The following TMEM163 variants were observed in gnomAD, a reference collection of about 807,000 sequenced individuals.
The protein encoded by TMEM163 is transmembrane protein 163.
A neutral mutation model predicts 29.3 loss-of-function variants in TMEM163; 17 were observed. The observed-to-expected ratio is 0.58, with a 90% CI of 0.40 to 0.87. The LOEUF (loss-of-function observed/expected upper bound fraction) is 0.87, where lower values mean the gene tolerates loss of function less well. Among genes scored for constraint, TMEM163 ranks in the 40% least tolerant of loss-of-function variants. TMEM163 has a pLI of 0.00. For synonymous variants in TMEM163, 157 were observed against 160.6 expected (o/e 0.98, Z 0.17); for missense variants, 303 against 381.5 (o/e 0.79, Z 1.71).
intron 4 of TMEM163, among the ~76,000 whole-genome samples, chr2:134,526,665 T>C (rs1482356764): frequency 6.6e-6 from 1 of 152,186 alleles, no homozygotes; most frequent in African/African-American, 2.4e-5. Flanking sequence ...TCCAACTAGA[T>C]TAGCTACTTC....
At chr2:134,510,707 G>A (rs891607631) in intron 4 of TMEM163, among the ~76,000 whole-genome samples, 3 of 152,178 alleles carry the variant, frequency 2.0e-5, no homozygotes, top group African/African-American at 7.2e-5. Flanking sequence ...AGCAGGAAGT[G>A]AGGAGCCGGT....
chr2:134,717,919 C>T (rs1252088441), intron 1 of TMEM163, among the ~76,000 whole-genome samples: 1 of 152,188 alleles, frequency 6.6e-6, no homozygotes, highest in African/African-American at 2.4e-5. Flanking sequence ...CCTACACTGG[C>T]GACTCAAGGG....
intron 4 of TMEM163, among the ~76,000 whole-genome samples, chr2:134,539,405 A>C (rs1680613471): frequency 1.3e-5 from 2 of 152,282 alleles, no homozygotes; most frequent in South Asian, 4.1e-4. Flanking sequence ...AGGTAAACGC[A>C]CCCAGCGGTG....
intron 2 of TMEM163, among the ~76,000 whole-genome samples, chr2:134,592,394 A>G (rs181362522): frequency 2.1e-3 from 313 of 152,326 alleles, no homozygotes; most frequent in Non-Finnish European, 3.7e-3. Context: ...CCATTTCAAA[A>G]TATGTCAAGG....
intron 2 of TMEM163, among the ~76,000 whole-genome samples, chr2:134,712,786 C>T (rs1268458461): frequency 6.6e-6 from 1 of 152,162 alleles, no homozygotes; most frequent in African/African-American, 2.4e-5. Flanking sequence ...AAGCCTTACA[C>T]AGATATGATC....
At chr2:134,505,747 C>T (rs374899138) in intron 4 of TMEM163, among the ~76,000 whole-genome samples, 3 of 152,324 alleles carry the variant, frequency 2.0e-5, no homozygotes, top group South Asian at 2.1e-4. Flanking sequence ...ACTGCAGCCA[C>T]GCCTCCATCA....
At chr2:134,643,669 A>G (rs1683268228) in intron 2 of TMEM163, among the ~76,000 whole-genome samples, 1 of 152,150 alleles carries the variant, frequency 6.6e-6, no homozygotes, top group East Asian at 1.9e-4. Flanking sequence ...CATGTTAAAA[A>G]AAAAACAACT....
intron 5 of TMEM163, among the ~76,000 whole-genome samples, chr2:134,478,511 C>T (rs1686970582): frequency 6.6e-6 from 1 of 152,208 alleles, no homozygotes; most frequent in Non-Finnish European, 1.5e-5. Context: ...GAGAACTTAG[C>T]TGCTTTGTGT....
In TMEM163 at chr2:134,465,364, C is replaced by CACCCACCA. The variant is rs544767479; in HGVS notation, c.667+742_667+749dup. 7.9e-5 allele frequency among the ~76,000 whole-genome samples: 12 copies of CACCCACCA among 152,242 alleles called. No individual in the cohort carries two copies. The East Asian group carries it at 2.1e-3, about 27-fold the overall frequency. On this transcript the variant is annotated intron_variant, in intron 6 of 7. Coordinates refer to ENST00000281924, the MANE Select transcript of TMEM163 (RefSeq NM_030923.5). Reference sequence around the variant, plus strand: ...ATTTCTGCTCTATTTTGTGCAGATGCACCCACCAACCCACCAACCCACAAG... The same window carrying CACCCACCA: ...ATTTCTGCTCTATTTTGTGCAGATGCACCCACCAACCCACCAACCCACCAACCCACAAG...
In TMEM163 at chr2:134,671,164, A is replaced by G. The variant is rs535384330; in HGVS notation, c.322+42036T>C. ...TGGCCCTCAGCAAAGACTAAGAGCA[A>G]ATAAGGCAAAGACTGGCACCTGGCC... is the stretch of plus-strand genomic sequence containing the variant. On this transcript the variant is annotated intron_variant, in intron 2 of 7. Coordinates refer to ENST00000281924, the MANE Select transcript of TMEM163 (RefSeq NM_030923.5). 1.1e-4 allele frequency among the ~76,000 whole-genome samples: 16 copies of G among 152,266 alleles called. No individual in the cohort carries two copies. In the East Asian group the frequency reaches 1.7e-3, roughly 17 times the overall value.
chr2:134,458,298 C>G (rs546086544), intron 6 of TMEM163, 125 bp from the exon 7 acceptor site: 10 of 1,159,192 alleles, frequency 8.6e-6, no homozygotes, highest in Non-Finnish European at 1.2e-5. Context: ...AAAGCTCTCA[C>G]GAGTGATAGC....
rs375368361 is a variant in TMEM163 at position 134,543,069 on chromosome 2, G to A, written c.458+7501C>T. On this transcript the variant is annotated intron_variant, in intron 4 of 7. Transcript: ENST00000281924. Reference sequence around the variant, plus strand: ...TTTCCAAATAAGGTCACATTCTTCCGTACTGGGGGACAAGGACTTCAACAT... The same window carrying A: ...TTTCCAAATAAGGTCACATTCTTCCATACTGGGGGACAAGGACTTCAACAT... Among the ~76,000 whole-genome samples the A allele has an allele frequency of 1.3e-3, 204 of 152,260 alleles. 4 individuals carry two copies. In the South Asian group the frequency reaches 0.032, roughly 24 times the overall value.
At chr2:134,667,685 A>C (rs1187271574) in intron 2 of TMEM163, among the ~76,000 whole-genome samples, 1 of 152,248 alleles carries the variant, frequency 6.6e-6, no homozygotes, top group African/African-American at 2.4e-5. Flanking sequence ...CATCTGCAAA[A>C]GAAAAGCTTA....
intron 6 of TMEM163, 89 bp downstream of exon 6, chr2:134,466,025 G>A (rs1228486995): frequency 1.2e-5 from 11 of 922,818 alleles, no homozygotes; most frequent in Non-Finnish European, 1.7e-5. Context: ...GAGTTCTCCA[G>A]CAAGGGAAAC....
chr2:134,663,063 G>A lies in TMEM163; in HGVS notation c.322+50137C>T, dbSNP rs1230414223. On this transcript the variant is annotated intron_variant, in intron 2 of 7. Transcript: ENST00000281924. ...GTCTGCAGGACTGTTAGGTCTCTTT[G>A]TGTGATCAACCCTCTATCATAGGCA... is the stretch of plus-strand genomic sequence containing the variant. Among the ~76,000 whole-genome samples, 14 of 152,302 alleles carry A rather than the reference G, an allele frequency of 9.2e-5. No individual in the cohort carries two copies. In the East Asian group the frequency reaches 1.5e-3, roughly 17 times the overall value.
At chr2:134,501,276 A>G (rs1187596093) in intron 5 of TMEM163, among the ~76,000 whole-genome samples, 1 of 152,152 alleles carries the variant, frequency 6.6e-6, no homozygotes, top group African/African-American at 2.4e-5. Context: ...GGATATGTAC[A>G]CCTTGAGGGG....
At chr2:134,463,902 C>G (rs1003270139) in intron 6 of TMEM163, among the ~76,000 whole-genome samples, 5 of 152,224 alleles carry the variant, frequency 3.3e-5, no homozygotes, top group African/African-American at 1.2e-4. Flanking sequence ...TTCTCCCAGC[C>G]TGGCAGGAGG....
chr2:134,575,686 G>T (rs749708003), intron 2 of TMEM163, among the ~76,000 whole-genome samples: 10 of 152,156 alleles, frequency 6.6e-5, no homozygotes, highest in Non-Finnish European at 1.2e-4. Context: ...CTACCAAACC[G>T]GACCATAAGA....
intron 6 of TMEM163, 88 bp downstream of exon 6, chr2:134,466,026 C>G (rs1283655075): frequency 3.2e-6 from 3 of 926,630 alleles, no homozygotes; most frequent in Non-Finnish European, 1.6e-6. Context: ...AGTTCTCCAG[C>G]AAGGGAAACA....
Sources: gnomAD v4.1 joint callset for allele counts (sites outside exome capture counted in the v4.1 genomes callset) on GRCh38, gnomAD v4.1.1 for gene constraint, MANE v1.5 for transcripts, NCBI Gene and HGNC (gene_info 2026-07-23, HGNC 2026-07-21) for gene names.